Variants in UBXN7 observed in about 807,000 individuals in gnomAD.
UBXN7 encodes UBX domain-containing protein 7.
UBXN7 carries 9 observed loss-of-function variants against 58.0 expected under a neutral mutation model. The observed-to-expected ratio is 0.16, with a 90% CI of 0.09 to 0.27. UBXN7 has a LOEUF of 0.27. UBXN7 is among the 10% of genes least tolerant of loss of function. The pLI is 1.00. For missense variants in UBXN7, 328 were observed against 599.6 expected, an observed-to-expected ratio of 0.55 and a Z score of 4.73; for synonymous variants, 208 against 205.0, an observed-to-expected ratio of 1.01 and a Z score of -0.12.
At chr3:196,422,035 A>G (rs1730705527) in intron 1 of UBXN7, among the ~76,000 whole-genome samples, 1 of 151,660 alleles carries the variant, frequency 6.6e-6, no homozygotes, top group African/African-American at 2.4e-5. Context: ...CCTAGTCTCT[A>G]GTAAAAATAC....
rs1728213802 is a variant in UBXN7 at position 196,351,507 on chromosome 3, G to C, written c.*5178C>G. 1 of 151,970 alleles carries C rather than the reference G, an allele frequency of 6.6e-6. No homozygotes were observed. Among genetic ancestry groups the C allele is most frequent in the Non-Finnish European group, 1.5e-5 (1 of 67,994 alleles). The allele number at this position is 151,970 out of a possible 1,614,324, so 9.4% of individuals were successfully genotyped here. ...AATAAAAAAAAGAGAGAAAAAAAAA[G>C]TAAAGAAACTGATTAACCAGCACAC... is the stretch of plus-strand genomic sequence containing the variant. On this transcript the variant is annotated 3_prime_UTR_variant, in exon 11 of 11. Transcript: ENST00000296328.
intron 3 of UBXN7, among the ~76,000 whole-genome samples, chr3:196,396,014 C>T (rs1278445185): frequency 1.3e-5 from 2 of 152,124 alleles, no homozygotes; most frequent in Non-Finnish European, 2.9e-5. Context: ...GATCCACCCG[C>T]CTCGGCTACC....
At chr3:196,421,476 G>A (rs1447157490) in intron 1 of UBXN7, among the ~76,000 whole-genome samples, 2 of 152,188 alleles carry the variant, frequency 1.3e-5, no homozygotes, top group Non-Finnish European at 2.9e-5. Flanking sequence ...GGGCTTGAAA[G>A]ATTTATGGAT....
Position 196,355,214 on chromosome 3 carries a change from G to A in UBXN7, c.*1471C>T, listed in dbSNP as rs950088436. The A allele has an allele frequency of 1.3e-5, 2 of 152,074 alleles. No individual in the cohort carries two copies. The highest frequency in any genetic ancestry group is 4.8e-5 in the African/African-American group (2 of 41,400). 9.4% of individuals were successfully genotyped at this position (152,074 alleles called of 1,614,324 possible). On this transcript the variant is annotated 3_prime_UTR_variant, in exon 11 of 11. Coordinates refer to ENST00000296328, the MANE Select transcript of UBXN7 (RefSeq NM_015562.2). ...ATCTAAATCCTCAACTGACAAAAAGGTCCATTTAATATTTTTCATTTTACA... is the reference window on the plus strand; with the variant it reads ...ATCTAAATCCTCAACTGACAAAAAGATCCATTTAATATTTTTCATTTTACA...
chr3:196,362,292 A>G lies in UBXN7; in HGVS notation c.1228+2T>C. ...AGTAAAGTATGTCTAAATGTAACTT[A>G]CCATTTACATCTATCCCCTCCACTA... On this transcript the variant is annotated splice_donor_variant, in intron 9 of 10. Coordinates refer to ENST00000296328, the MANE Select transcript of UBXN7 (RefSeq NM_015562.2). LOFTEE classifies it high-confidence loss of function. 6.3e-7 allele frequency: 1 copy of G among 1,585,760 alleles called. No individual in the cohort carries two copies. Among genetic ancestry groups the G allele is most frequent in the Non-Finnish European group, 8.6e-7 (1 of 1,168,948 alleles).
intron 1 of UBXN7, among the ~76,000 whole-genome samples, chr3:196,420,401 C>A (rs752372110): frequency 7.9e-5 from 12 of 151,774 alleles, no homozygotes; most frequent in Non-Finnish European, 1.0e-4. Context: ...CATGGTGATG[C>A]GTGCCTGTAA....
At chr3:196,364,651 T>A (rs577866735) in intron 8 of UBXN7, among the ~76,000 whole-genome samples, 3 of 150,476 alleles carry the variant, frequency 2.0e-5, no homozygotes, top group South Asian at 4.2e-4. Context: ...GCTTTTACTA[T>A]CAGGCAATCA....
At chr3:196,393,264 A>G (rs767659995) in intron 4 of UBXN7, among the ~76,000 whole-genome samples, 1 of 152,198 alleles carries the variant, frequency 6.6e-6, no homozygotes, top group Non-Finnish European at 1.5e-5. Context: ...GAGGGAAATC[A>G]GTTTATTTTA....
chr3:196,378,519 T>C (rs1299318225), intron 5 of UBXN7, among the ~76,000 whole-genome samples: 1 of 152,258 alleles, frequency 6.6e-6, no homozygotes, highest in Non-Finnish European at 1.5e-5. Context: ...GGCTGCTGGT[T>C]GCCAATTTTT....
intron 1 of UBXN7, among the ~76,000 whole-genome samples, chr3:196,416,681 T>C (rs1730497088): frequency 6.6e-6 from 1 of 152,306 alleles, no homozygotes; most frequent in Non-Finnish European, 1.5e-5. Flanking sequence ...TTCCACGTTA[T>C]TATGCTACCT....
chr3:196,370,748 C>T (rs1179517730), intron 6 of UBXN7, among the ~76,000 whole-genome samples: 4 of 149,464 alleles, frequency 2.7e-5, no homozygotes, highest in South Asian at 2.1e-4. Flanking sequence ...TGAGCCGGCA[C>T]GGTGATTCAT....
At chr3:196,375,904 C>T (rs1196072283) in intron 5 of UBXN7, among the ~76,000 whole-genome samples, 1 of 152,210 alleles carries the variant, frequency 6.6e-6, no homozygotes. Flanking sequence ...TGGCGCATGC[C>T]TGTAATCCCA....
rs1350160247 is a variant in UBXN7, at chr3:196,348,621, C to G, written c.*8064G>C. On this transcript the variant is annotated 3_prime_UTR_variant, in exon 11 of 11. Transcript: ENST00000296328. The stretch of plus-strand genomic sequence containing the variant: ...TTTAGAAAACACTTTAAAGCAAATA[C>G]CCCAAGTTGACTTCACTCAAGCCCC... The G allele has an allele frequency of 2.0e-5, 3 of 152,148 alleles. No individual in the cohort carries two copies. The highest frequency in any genetic ancestry group is 2.0e-4 in the Admixed American group (3 of 15,272). The allele number at this position is 152,148 out of a possible 1,614,324, so 9.4% of individuals were successfully genotyped here.
intron 1 of UBXN7, among the ~76,000 whole-genome samples, chr3:196,412,869 G>A (rs1401521373): frequency 2.6e-5 from 4 of 152,136 alleles, no homozygotes; most frequent in Non-Finnish European, 5.9e-5. Context: ...ACTAAAAATC[G>A]AGTCAGAAAG....
chr3:196,401,825 G>A (rs900116471), intron 3 of UBXN7, among the ~76,000 whole-genome samples: 1 of 139,480 alleles, frequency 7.2e-6, no homozygotes, highest in Non-Finnish European at 1.6e-5. Context: ...AAAGAGAAGA[G>A]AGAAGAGAAG....
At chr3:196,389,734 T>C (rs1473591597) in intron 5 of UBXN7, among the ~76,000 whole-genome samples, 1 of 152,204 alleles carries the variant, frequency 6.6e-6, no homozygotes, top group Non-Finnish European at 1.5e-5. Flanking sequence ...AGTCAAAATA[T>C]ACCTTTTTCT....
intron 1 of UBXN7, among the ~76,000 whole-genome samples, chr3:196,417,275 G>A (rs1345553751): frequency 1.3e-5 from 2 of 152,174 alleles, no homozygotes; most frequent in Non-Finnish European, 2.9e-5. Context: ...TCGCGCGACT[G>A]CACTCCAGCC....
rs35766312 is a variant in UBXN7, at chr3:196,401,248, CAAAAAAAA to C, written c.289+1696_289+1703del. On this transcript the variant is annotated intron_variant, in intron 3 of 10. Transcript: ENST00000296328. ...CTAACATGGAGAAACCCCGTCTCTC[CAAAAAAAA>C]AAAAAAAAAAAAAAAAAAATATATA... Among the ~76,000 whole-genome samples the C allele has an allele frequency of 0.024, 54 of 2,268 alleles. 5 individuals are homozygous for C. In the South Asian group the frequency reaches 0.36, roughly 15 times the overall value. The allele number at this position is 2,268 out of a possible 152,430, so 1.5% of individuals were successfully genotyped here.
intron 5 of UBXN7, among the ~76,000 whole-genome samples, chr3:196,377,240 G>A (rs1425326180): frequency 6.6e-6 from 1 of 152,100 alleles, no homozygotes; most frequent in African/African-American, 2.4e-5. Context: ...GGAAAACGTA[G>A]GAAACATTCC....
Sources: gnomAD v4.1 joint callset for allele counts (sites outside exome capture counted in the v4.1 genomes callset) on GRCh38, gnomAD v4.1.1 for gene constraint, MANE v1.5 for transcripts, NCBI Gene and HGNC (gene_info 2026-07-23, HGNC 2026-07-21) for gene names.